Variants in DOCK1 observed in about 807,000 individuals in gnomAD.
The protein encoded by DOCK1 is dedicator of cytokinesis protein 1.
In DOCK1, 138 loss-of-function variants were observed where a neutral mutation model predicts 262.7. The ratio of observed to expected loss-of-function variants is 0.53; its 90% CI spans 0.46 to 0.61. DOCK1 has a LOEUF of 0.61. Ranked by LOEUF, DOCK1 falls within the 20% of genes least tolerant of loss-of-function variation. The pLI, the probability that DOCK1 is intolerant of heterozygous loss-of-function variation, is 0.00. For synonymous variants in DOCK1, 866 were observed against 867.4 expected, an observed-to-expected ratio of 1.00 and a Z score of 0.03; for missense variants, 1,908 against 2,370.7, an observed-to-expected ratio of 0.80 and a Z score of 4.05.
At chr10:127,418,635 G>A in intron 45 of DOCK1, 94 bp downstream of exon 45, 1 of 1,431,480 alleles carries the variant, frequency 7.0e-7, no homozygotes, top group Non-Finnish European at 9.2e-7. Context: ...AACGCCCCTG[G>A]TCTCATTGAG....
At chr10:127,442,769 TA>T (rs1232039896) in intron 49 of DOCK1, among the ~76,000 whole-genome samples, 2 of 152,250 alleles carry the variant, frequency 1.3e-5, no homozygotes, top group African/African-American at 4.8e-5. Context: ...CAGCTGGGAA[TA>T]ATTCTGCCAT....
At chr10:127,187,451 C>T (rs1277423731) in intron 27 of DOCK1, among the ~76,000 whole-genome samples, 3 of 152,170 alleles carry the variant, frequency 2.0e-5, no homozygotes, top group Admixed American at 2.0e-4. Context: ...CACATGACCC[C>T]TGTATGCTTT....
intron 16 of DOCK1, among the ~76,000 whole-genome samples, 160 bp from the exon 17 acceptor site, chr10:127,031,490 A>G (rs972212952): frequency 6.6e-6 from 1 of 152,094 alleles, no homozygotes; most frequent in African/African-American, 2.4e-5. Flanking sequence ...TTACTTGTAA[A>G]CGTGGTCCAT....
intron 29 of DOCK1, among the ~76,000 whole-genome samples, chr10:127,265,431 G>A (rs1238126916): frequency 6.6e-6 from 1 of 151,766 alleles, no homozygotes; most frequent in Non-Finnish European, 1.5e-5. Flanking sequence ...AAACAGATCA[G>A]GATGATGCTT....
chr10:127,365,185 T>A (rs1323253774), intron 33 of DOCK1, among the ~76,000 whole-genome samples: 1 of 152,248 alleles, frequency 6.6e-6, no homozygotes, highest in East Asian at 1.9e-4. Context: ...GCATGTAAGT[T>A]GTTTGCAGAT....
intron 27 of DOCK1, among the ~76,000 whole-genome samples, chr10:127,184,585 C>T (rs2134006187): frequency 6.6e-6 from 1 of 151,644 alleles, no homozygotes; most frequent in African/African-American, 2.4e-5. Context: ...GTAGCACTTC[C>T]AAAGAGTCTC....
chr10:127,393,751 T>G (rs2066644525), intron 38 of DOCK1, among the ~76,000 whole-genome samples: 1 of 152,242 alleles, frequency 6.6e-6, no homozygotes, highest in Admixed American at 6.5e-5. Context: ...CATTCTTCTG[T>G]TTTTGCCTTT....
chr10:127,376,218 C>T (rs899843758), intron 35 of DOCK1, among the ~76,000 whole-genome samples: 12 of 152,164 alleles, frequency 7.9e-5, no homozygotes, highest in East Asian at 3.8e-4. Context: ...GGGTAAACTA[C>T]GTAGAAACTC....
intron 27 of DOCK1, chr10:127,137,567 T>A (rs1168184493): frequency 1.1e-5 from 4 of 348,060 alleles, no homozygotes; most frequent in Non-Finnish European, 2.1e-5. Context: ...GGAAAATTTT[T>A]ACTTATCATC....
chr10:127,112,054 G>A (rs937306061), intron 25 of DOCK1, among the ~76,000 whole-genome samples: 2 of 149,702 alleles, frequency 1.3e-5, no homozygotes, highest in African/African-American at 2.5e-5. Flanking sequence ...CGCTGTTGCC[G>A]AGGCTGGAGT....
chr10:127,111,121 C>T (rs966959988), intron 25 of DOCK1, among the ~76,000 whole-genome samples: 1 of 152,190 alleles, frequency 6.6e-6, no homozygotes, highest in Non-Finnish European at 1.5e-5. Context: ...TTCCCCTGTG[C>T]TTTCACGGAT....
At chr10:127,317,588 C>T (rs1352406505) in intron 29 of DOCK1, among the ~76,000 whole-genome samples, 2 of 152,146 alleles carry the variant, frequency 1.3e-5, no homozygotes, top group Non-Finnish European at 2.9e-5. Context: ...GATTCGAGTG[C>T]ACATTCACCC....
At chr10:127,311,358 A>G (rs1234302264) in intron 29 of DOCK1, among the ~76,000 whole-genome samples, 2 of 152,224 alleles carry the variant, frequency 1.3e-5, no homozygotes, top group African/African-American at 4.8e-5. Flanking sequence ...CATCCTGCAG[A>G]AGGAACATCC....
chr10:127,042,995 G>T (rs74161531), intron 20 of DOCK1, 69 bp from the exon 21 acceptor site: 12 of 1,256,358 alleles, frequency 9.6e-6, no homozygotes, highest in Admixed American at 2.1e-5. Flanking sequence ...GGTGCAGATG[G>T]TTCTGATGAA....
At chr10:127,180,818 T>A (rs2055657256) in intron 27 of DOCK1, among the ~76,000 whole-genome samples, 1 of 152,180 alleles carries the variant, frequency 6.6e-6, no homozygotes. Context: ...CACGAAATAA[T>A]GTTAAGTGAA....
At chr10:127,292,140 G>GT (rs1412218171) in intron 29 of DOCK1, among the ~76,000 whole-genome samples, 1 of 152,198 alleles carries the variant, frequency 6.6e-6, no homozygotes, top group Non-Finnish European at 1.5e-5. Context: ...TTGTTGGACA[G>GT]TTTTTACCAT....
At chr10:127,304,346 A>G (rs185679778) in intron 29 of DOCK1, among the ~76,000 whole-genome samples, 54 of 152,300 alleles carry the variant, frequency 3.5e-4, no homozygotes, top group Non-Finnish European at 6.5e-4. Flanking sequence ...CACTTCAGAA[A>G]ATAAATTCCT....
intron 7 of DOCK1, chr10:126,997,824 CATT>C (rs1040236753): frequency 4.7e-6 from 2 of 427,228 alleles, no homozygotes; most frequent in African/African-American, 2.0e-5. Flanking sequence ...CATATATAAT[CATT>C]ATTTTGATTT....
intron 37 of DOCK1, among the ~76,000 whole-genome samples, chr10:127,382,821 G>C (rs143514706): frequency 1.3e-5 from 2 of 152,224 alleles, no homozygotes; most frequent in South Asian, 2.1e-4. Flanking sequence ...GTGCATAAAG[G>C]CATCATTTGT....
Sources: gnomAD v4.1 joint callset for allele counts (sites outside exome capture counted in the v4.1 genomes callset) on GRCh38, gnomAD v4.1.1 for gene constraint, MANE v1.5 for transcripts, NCBI Gene and HGNC (gene_info 2026-07-23, HGNC 2026-07-21) for gene names.